The following GPHN variants were observed in gnomAD, a reference collection of about 807,000 sequenced individuals.
GPHN encodes gephyrin.
GPHN carries 17 observed loss-of-function variants against 95.5 expected under a neutral mutation model. That is an observed-to-expected ratio of 0.18 (90% confidence interval 0.12 to 0.27). GPHN has a LOEUF of 0.27. Among genes scored for constraint, GPHN ranks in the 10% least tolerant of loss-of-function variants. The pLI is 1.00. For missense variants in GPHN, 660 were observed against 978.1 expected (o/e 0.67, Z 4.34); for synonymous variants, 320 against 322.5 (o/e 0.99, Z 0.08).
chr14:67,134,873 TTTC>T (rs1211191458), intron 17 of GPHN, among the ~76,000 whole-genome samples: 1 of 150,970 alleles, frequency 6.6e-6, no homozygotes, highest in Non-Finnish European at 1.5e-5. Context: ...TTTTTTAATT[TTTC>T]TTTTCTTTCT....
chr14:67,296,373 G>A, the GPHN span, among the ~76,000 whole-genome samples: 1 of 151,814 alleles, frequency 6.6e-6, no homozygotes, highest in Non-Finnish European at 1.5e-5. Flanking sequence ...GGCCAAGGTG[G>A]GCAGATCACG....
chr14:67,401,285 G>A, the GPHN span, among the ~76,000 whole-genome samples: 2 of 152,048 alleles, frequency 1.3e-5, no homozygotes, highest in East Asian at 1.9e-4. Flanking sequence ...CCAGGAGTTT[G>A]AGGCCAGCCT....
chr14:67,265,362 G>A, the GPHN span, among the ~76,000 whole-genome samples: 1 of 151,956 alleles, frequency 6.6e-6, no homozygotes, highest in Non-Finnish European at 1.5e-5. Flanking sequence ...TTGAAGACCA[G>A]ACTGGGCAAC....
chr14:67,700,659 G>A, the GPHN span, among the ~76,000 whole-genome samples: 4 of 147,302 alleles, frequency 2.7e-5, no homozygotes, highest in Admixed American at 6.9e-5. Flanking sequence ...AGCTTGCAGT[G>A]AGCCTAGATC....
intron 5 of GPHN, among the ~76,000 whole-genome samples, chr14:66,881,224 A>C (rs2063914255): frequency 6.6e-6 from 1 of 151,892 alleles, no homozygotes; most frequent in Non-Finnish European, 1.5e-5. Context: ...TAGTAAAAGC[A>C]AATAAAGAAT....
intron 10 of GPHN, among the ~76,000 whole-genome samples, chr14:67,052,261 A>C (rs1268620047): frequency 6.6e-6 from 1 of 152,114 alleles, no homozygotes; most frequent in East Asian, 1.9e-4. Context: ...GAGATGGAGG[A>C]AATTTTACCA....
At chr14:67,383,285 C>G in the GPHN span, 1 of 1,608,336 alleles carries the variant, frequency 6.2e-7, no homozygotes, top group Non-Finnish European at 8.5e-7. Context: ...TTTACTACTT[C>G]AGTTTGAAAT....
chr14:67,196,102 C>T, the GPHN span, among the ~76,000 whole-genome samples: 1 of 151,730 alleles, frequency 6.6e-6, no homozygotes, highest in Non-Finnish European at 1.5e-5. Flanking sequence ...GTTCCTGTGC[C>T]ATCATCCTCT....
At chr14:67,646,510 G>A in the GPHN span, 14 of 637,984 alleles carry the variant, frequency 2.2e-5, no homozygotes, top group Non-Finnish European at 3.3e-5. Context: ...CAGATCAAGT[G>A]TGTCCTGTGT....
rs961920992 is a variant in GPHN at position 66,903,678 on chromosome 14, C to T, written c.390-12325C>T. Reference sequence around the variant, plus strand: ...TTGATAAGTAAGGACTTACTCCTGCCATTTGTCATTTGTTTTCTGGTTGTT... The same window carrying T: ...TTGATAAGTAAGGACTTACTCCTGCTATTTGTCATTTGTTTTCTGGTTGTT... On this transcript the variant is annotated intron_variant, in intron 5 of 22. Coordinates refer to ENST00000478722, the MANE Select transcript of GPHN (RefSeq NM_020806.5). Among the ~76,000 whole-genome samples the T allele has an allele frequency of 7.2e-5, 11 of 152,194 alleles. No individual in the cohort carries two copies. In the East Asian group the frequency reaches 2.1e-3, roughly 29 times the overall value.
intron 2 of GPHN, among the ~76,000 whole-genome samples, chr14:66,717,442 T>A (rs954854351): frequency 6.6e-6 from 1 of 152,226 alleles, no homozygotes; most frequent in African/African-American, 2.4e-5. Flanking sequence ...GGGCTTCGCC[T>A]TTCTCTGGTG....
intron 1 of GPHN, among the ~76,000 whole-genome samples, chr14:66,584,754 G>C (rs1476541008): frequency 6.6e-6 from 1 of 152,102 alleles, no homozygotes; most frequent in Non-Finnish European, 1.5e-5. Flanking sequence ...GATCATGGTG[G>C]ATAAGCTTTT....
chr14:66,558,815 C>A (rs1425161191), intron 1 of GPHN, among the ~76,000 whole-genome samples: 1 of 151,754 alleles, frequency 6.6e-6, no homozygotes, highest in East Asian at 1.9e-4. Flanking sequence ...TATACATGTG[C>A]CATGCTGGTG....
the GPHN span, among the ~76,000 whole-genome samples, chr14:67,552,398 T>A: frequency 6.6e-6 from 1 of 152,278 alleles, no homozygotes; most frequent in Non-Finnish European, 1.5e-5. Context: ...CAGACATTAG[T>A]TTTAGAGAAA....
At chr14:67,171,382 A>G (rs1309303577) in intron 21 of GPHN, among the ~76,000 whole-genome samples, 1 of 151,990 alleles carries the variant, frequency 6.6e-6, no homozygotes, top group African/African-American at 2.4e-5. Flanking sequence ...AAGAAAAAAA[A>G]AAAGAAAAAG....
At chr14:66,636,531 T>C (rs1191480215) in intron 1 of GPHN, among the ~76,000 whole-genome samples, 2 of 152,152 alleles carry the variant, frequency 1.3e-5, no homozygotes, top group East Asian at 1.9e-4. Context: ...AGTTGAGTTA[T>C]AATATTTTAC....
intron 3 of GPHN, among the ~76,000 whole-genome samples, chr14:66,798,939 G>A (rs2153475592): frequency 6.6e-6 from 1 of 151,696 alleles, no homozygotes; most frequent in African/African-American, 2.4e-5. Context: ...CTTTTTTAAT[G>A]TAGGCCCTTA....
At chr14:67,186,623 A>C (rs548264278), downstream of GPHN, among the ~76,000 whole-genome samples, 37 of 152,292 alleles carry the variant, frequency 2.4e-4, no homozygotes, top group African/African-American at 8.7e-4. Context: ...CCAGTTGCTG[A>C]TTCTGAGAAT....
intron 10 of GPHN, among the ~76,000 whole-genome samples, chr14:67,049,182 T>G (rs1476691223): frequency 1.3e-5 from 2 of 151,958 alleles, no homozygotes; most frequent in African/African-American, 4.8e-5. Flanking sequence ...ACAATCAACA[T>G]TTTTTGGTCC....
Sources: allele counts gnomAD v4.1 joint callset (sites outside exome capture counted in the v4.1 genomes callset), GRCh38; gene constraint gnomAD v4.1.1; transcripts MANE v1.5; gene names NCBI Gene and HGNC (gene_info 2026-07-23, HGNC 2026-07-21).